SLC25A21: variants seen among roughly 807,000 people sequenced by gnomAD.
SLC25A21 encodes the protein solute carrier family 25 member 21.
In SLC25A21, 47 loss-of-function variants were observed where a neutral mutation model predicts 43.8. The observed-to-expected ratio is 1.07, with a 90% confidence interval of 0.85 to 1.37. The LOEUF (loss-of-function observed/expected upper bound fraction) is 1.37, where lower values mean the gene tolerates loss of function less well. Ranked by LOEUF, SLC25A21 falls within the 40% of genes most tolerant of loss-of-function variation. The probability of loss-of-function intolerance (pLI) is 0.00; values close to 1 mark genes in which losing one functional copy is unlikely to be tolerated. For missense variants in SLC25A21, 352 were observed against 350.2 expected, an observed-to-expected ratio of 1.00 and a Z score of -0.04; for synonymous variants, 131 against 121.3, an observed-to-expected ratio of 1.08 and a Z score of -0.52.
At chr14:36,902,064 C>T (rs906445146) in intron 1 of SLC25A21, among the ~76,000 whole-genome samples, 2 of 152,148 alleles carry the variant, frequency 1.3e-5, no homozygotes, top group African/African-American at 2.4e-5. Flanking sequence ...ATATGATTAA[C>T]TCTGTACCTT....
chr14:36,901,577 T>C (rs1339391357), intron 1 of SLC25A21, among the ~76,000 whole-genome samples: 1 of 152,164 alleles, frequency 6.6e-6, no homozygotes, highest in Admixed American at 6.5e-5. Context: ...TATACACTTT[T>C]AGAATCGTGC....
At chr14:37,015,134 G>A (rs1049670900) in intron 1 of SLC25A21, among the ~76,000 whole-genome samples, 8 of 151,748 alleles carry the variant, frequency 5.3e-5, no homozygotes, top group Admixed American at 2.0e-4. Flanking sequence ...CTGGTGTGCT[G>A]CATCCATTAA....
intron 1 of SLC25A21, among the ~76,000 whole-genome samples, chr14:37,090,417 G>A (rs535656302): frequency 5.3e-5 from 8 of 152,334 alleles, no homozygotes; most frequent in South Asian, 2.1e-4. Context: ...GGGTCTCAAC[G>A]CTGGTGATAT....
chr14:36,771,544 C>T (rs949500525), intron 3 of SLC25A21, among the ~76,000 whole-genome samples: 1 of 152,130 alleles, frequency 6.6e-6, no homozygotes, highest in African/African-American at 2.4e-5. Context: ...CTCAGACGCT[C>T]TTGTGCAAAA....
Position 36,894,329 on chromosome 14 carries a change from G to A in SLC25A21, c.71-19325C>T, listed in dbSNP as rs935921862. Among the ~76,000 whole-genome samples, 20 of 152,128 alleles carry A rather than the reference G, an allele frequency of 1.3e-4. 1 individual carries two copies. Among genetic ancestry groups the A allele is most frequent in the Admixed American group, 1.3e-3 (20 of 15,266 alleles). Reference sequence around the variant, plus strand: ...GTGAATGGGAGTTCACTCATGATTTGGCTCTCTGTTTGTTGGTTATTGGTA... The same window carrying A: ...GTGAATGGGAGTTCACTCATGATTTAGCTCTCTGTTTGTTGGTTATTGGTA... On this transcript the variant is annotated intron_variant, in intron 1 of 9. Coordinates refer to ENST00000331299, the MANE Select transcript of SLC25A21 (RefSeq NM_030631.4).
At chr14:36,910,380 C>T (rs1031390738) in intron 1 of SLC25A21, among the ~76,000 whole-genome samples, 2 of 152,108 alleles carry the variant, frequency 1.3e-5, no homozygotes, top group South Asian at 4.2e-4. Flanking sequence ...GGTGTTAAAG[C>T]GATGGGAGAT....
At chr14:36,764,147 A>G (rs1350358866) in intron 3 of SLC25A21, among the ~76,000 whole-genome samples, 2 of 57,488 alleles carry the variant, frequency 3.5e-5, no homozygotes, top group South Asian at 7.0e-4. Flanking sequence ...AAAGAAGGAA[A>G]GAAAGAAAGA....
chr14:37,109,878 T>C (rs548977727), intron 1 of SLC25A21, among the ~76,000 whole-genome samples: 1 of 152,292 alleles, frequency 6.6e-6, no homozygotes, highest in Admixed American at 6.5e-5. Context: ...AGGGGAAATA[T>C]TTAATGAGTA....
At chr14:37,140,446 C>T (rs1313550915) in intron 1 of SLC25A21, among the ~76,000 whole-genome samples, 1 of 152,180 alleles carries the variant, frequency 6.6e-6, no homozygotes, top group Non-Finnish European at 1.5e-5. Flanking sequence ...TTGCCTGGCT[C>T]TGCTGAACTG....
chr14:37,030,783 A>C (rs1961194764), intron 1 of SLC25A21, among the ~76,000 whole-genome samples: 1 of 152,142 alleles, frequency 6.6e-6, no homozygotes, highest in Non-Finnish European at 1.5e-5. Flanking sequence ...CCTAAAATCA[A>C]AGAAACCCCT....
chr14:36,734,615 G>A, intron 3 of SLC25A21, 42 bp from the exon 4 acceptor site: 1 of 1,445,512 alleles, frequency 6.9e-7, no homozygotes, highest in South Asian at 1.2e-5. Context: ...AAGGAAATTA[G>A]GCAACAAGTA....
intron 1 of SLC25A21, among the ~76,000 whole-genome samples, chr14:37,066,557 T>C (rs955985994): frequency 3.9e-5 from 6 of 152,166 alleles, no homozygotes; most frequent in Non-Finnish European, 7.4e-5. Flanking sequence ...TTCATACTTG[T>C]ACTGTAGCTA....
intron 1 of SLC25A21, among the ~76,000 whole-genome samples, chr14:37,027,627 G>C (rs571748310): frequency 2.0e-5 from 3 of 152,270 alleles, no homozygotes; most frequent in African/African-American, 7.2e-5. Context: ...TTTTATAGCA[G>C]GCAGCAAACA....
At chr14:36,866,242 C>A (rs1035082570) in intron 2 of SLC25A21, among the ~76,000 whole-genome samples, 1 of 152,178 alleles carries the variant, frequency 6.6e-6, no homozygotes, top group African/African-American at 2.4e-5. Flanking sequence ...CTCTGACTAG[C>A]TGGAACTACA....
At chr14:36,899,388 C>T (rs1280650855) in intron 1 of SLC25A21, among the ~76,000 whole-genome samples, 1 of 152,170 alleles carries the variant, frequency 6.6e-6, no homozygotes, top group African/African-American at 2.4e-5. Context: ...ACCAAATCTG[C>T]ATACAAAATA....
chr14:37,017,909 A>G (rs754274774), intron 1 of SLC25A21, among the ~76,000 whole-genome samples: 6 of 151,994 alleles, frequency 3.9e-5, no homozygotes, highest in Non-Finnish European at 8.8e-5. Flanking sequence ...TTGACACTCT[A>G]ATACATGGTT....
At chr14:37,167,980 T>C (rs912332302) in intron 1 of SLC25A21, among the ~76,000 whole-genome samples, 1 of 152,126 alleles carries the variant, frequency 6.6e-6, no homozygotes, top group Admixed American at 6.5e-5. Flanking sequence ...CTGAGTGAAT[T>C]ACTCTTTCTC....
At chr14:37,094,334 C>A (rs1306165569) in intron 1 of SLC25A21, among the ~76,000 whole-genome samples, 2 of 152,102 alleles carry the variant, frequency 1.3e-5, no homozygotes, top group Admixed American at 6.5e-5. Context: ...GCCTTACACA[C>A]CAGACTTGAA....
intron 3 of SLC25A21, among the ~76,000 whole-genome samples, chr14:36,798,946 A>C (rs1477334908): frequency 1.3e-5 from 2 of 151,628 alleles, no homozygotes; most frequent in Non-Finnish European, 1.5e-5. Context: ...GAAATTGATT[A>C]AACAAACGAG....
Sources: allele counts gnomAD v4.1 joint callset (sites outside exome capture counted in the v4.1 genomes callset), GRCh38; gene constraint gnomAD v4.1.1; transcripts MANE v1.5; gene names NCBI Gene and HGNC (gene_info 2026-07-23, HGNC 2026-07-21).